Variants in ZNF532 observed in about 807,000 individuals in gnomAD.
ZNF532 encodes zinc finger protein 532.
In ZNF532, 22 loss-of-function variants were observed where a neutral mutation model predicts 89.3. The ratio of observed to expected loss-of-function variants is 0.25; its 90% CI spans 0.18 to 0.35. The LOEUF (loss-of-function observed/expected upper bound fraction) is 0.35. Among genes scored for constraint, ZNF532 ranks in the 10% least tolerant of loss-of-function variants. ZNF532 has a pLI of 1.00. For missense variants in ZNF532, 1,132 were observed against 1,643.4 expected (o/e 0.69, Z 5.38); for synonymous variants, 606 against 649.6 (o/e 0.93, Z 1.02).
chr18:58,888,903 A>AT (rs2058690185), intron 2 of ZNF532, among the ~76,000 whole-genome samples: 1 of 80,462 alleles, frequency 1.2e-5, no homozygotes, highest in Non-Finnish European at 2.3e-5. Flanking sequence ...ATATATATAT[A>AT]TATATATATA....
intron 5 of ZNF532, 38 bp from the exon 6 acceptor site, chr18:58,948,029 G>T (rs1209187134): frequency 6.4e-6 from 10 of 1,569,492 alleles, no homozygotes; most frequent in Non-Finnish European, 8.6e-6. Flanking sequence ...ACTTAAAGAG[G>T]CTGACTGACA....
intron 2 of ZNF532, among the ~76,000 whole-genome samples, chr18:58,907,967 G>A (rs549215495): frequency 6.6e-6 from 1 of 152,284 alleles, no homozygotes; most frequent in East Asian, 1.9e-4. Context: ...ATGTGATACT[G>A]GCCAAATAGG....
chr18:58,966,023 G>A (rs1015110492), intron 7 of ZNF532, among the ~76,000 whole-genome samples: 3 of 152,184 alleles, frequency 2.0e-5, no homozygotes, highest in African/African-American at 2.4e-5. Context: ...GGGGGTTTGG[G>A]ATGTGGAGAA....
At chr18:58,945,526 C>T (rs2063571788) in intron 5 of ZNF532, among the ~76,000 whole-genome samples, 1 of 152,130 alleles carries the variant, frequency 6.6e-6, no homozygotes, top group African/African-American at 2.4e-5. Context: ...AATAGATGGT[C>T]TCCTGTTTTA....
At chr18:58,889,721 C>T (rs1244866415) in intron 2 of ZNF532, among the ~76,000 whole-genome samples, 2 of 151,558 alleles carry the variant, frequency 1.3e-5, no homozygotes, top group Admixed American at 6.6e-5. Context: ...TGCGGTGAGC[C>T]GAGGTCACGC....
intron 2 of ZNF532, among the ~76,000 whole-genome samples, chr18:58,892,870 C>A (rs993672170): frequency 6.6e-6 from 1 of 152,130 alleles, no homozygotes; most frequent in African/African-American, 2.4e-5. Flanking sequence ...AGATCTGTGA[C>A]TGCTGTTTCT....
chr18:58,951,254 C>A (rs1173600824), intron 6 of ZNF532, among the ~76,000 whole-genome samples: 3 of 152,184 alleles, frequency 2.0e-5, no homozygotes, highest in Admixed American at 2.0e-4. Context: ...TGAGCCACTG[C>A]ACCTGGACTT....
intron 2 of ZNF532, among the ~76,000 whole-genome samples, chr18:58,893,836 A>G (rs1287059124): frequency 1.3e-5 from 2 of 152,188 alleles, no homozygotes; most frequent in Non-Finnish European, 2.9e-5. Context: ...TACAAGCCAG[A>G]GAGAGCAGTG....
At chr18:58,953,493 T>C in intron 6 of ZNF532, 25 bp from the exon 7 acceptor site, 1 of 1,584,638 alleles carries the variant, frequency 6.3e-7, no homozygotes, top group Non-Finnish European at 8.6e-7. Context: ...TTGTGATAGA[T>C]ATTTCTTTTC....
chr18:58,885,091 C>T (rs1393570019), intron 2 of ZNF532, among the ~76,000 whole-genome samples: 4 of 151,440 alleles, frequency 2.6e-5, no homozygotes, highest in Non-Finnish European at 5.9e-5. Context: ...TGGGTTCAAG[C>T]GATTCTCTTG....
chr18:58,873,367 T>C lies in ZNF532; in HGVS notation c.-18+7788T>C, dbSNP rs149542258. Reference sequence around the variant, plus strand: ...CCTCCTCCTATTTATAATCTTTATGTGAACCTGAAAACACGATTTGATTAA... The same window carrying C: ...CCTCCTCCTATTTATAATCTTTATGCGAACCTGAAAACACGATTTGATTAA... On this transcript the variant is annotated intron_variant, in intron 2 of 9. Coordinates refer to ENST00000591808, the MANE Select transcript of ZNF532 (RefSeq NM_001375912.1). 4.3e-3 allele frequency among the ~76,000 whole-genome samples: 656 copies of C among 152,280 alleles called. 3 individuals are homozygous for C. The highest frequency in any genetic ancestry group is 6.9e-3 in the Non-Finnish European group (468 of 68,016).
chr18:58,869,665 TG>T (rs1363628856), intron 2 of ZNF532, among the ~76,000 whole-genome samples: 5 of 152,182 alleles, frequency 3.3e-5, no homozygotes, highest in African/African-American at 1.2e-4. Flanking sequence ...TCAGCTTTTA[TG>T]TATTTTTAGG....
intron 2 of ZNF532, among the ~76,000 whole-genome samples, chr18:58,872,120 A>G (rs1288244081): frequency 6.6e-6 from 1 of 152,242 alleles, no homozygotes; most frequent in Admixed American, 6.5e-5. Flanking sequence ...ACAGACGCAG[A>G]GCGGCTTTTT....
chr18:58,888,502 C>T (rs2058459417), intron 2 of ZNF532, among the ~76,000 whole-genome samples: 1 of 150,160 alleles, frequency 6.7e-6, no homozygotes, highest in African/African-American at 2.4e-5. Flanking sequence ...ATGGTGAAAC[C>T]CTGTCTCTAC....
chr18:58,871,993 AAAG>A (rs1194433617), intron 2 of ZNF532, among the ~76,000 whole-genome samples: 1 of 152,268 alleles, frequency 6.6e-6, no homozygotes, highest in Non-Finnish European at 1.5e-5. Flanking sequence ...AACACAGTTT[AAAG>A]AATTCTTTGA....
chr18:58,879,802 C>A (rs535061467), intron 2 of ZNF532, among the ~76,000 whole-genome samples: 1 of 152,078 alleles, frequency 6.6e-6, no homozygotes, highest in South Asian at 2.1e-4. Context: ...TCGTTCATTC[C>A]GTCTTTCGTC....
intron 7 of ZNF532, among the ~76,000 whole-genome samples, chr18:58,965,417 G>T (rs1031648280): frequency 1.1e-4 from 16 of 152,218 alleles, no homozygotes; most frequent in African/African-American, 3.6e-4. Flanking sequence ...CCTGCCAGAG[G>T]CAGGTTTCTA....
chr18:58,964,258 A>C (rs1471185273), intron 7 of ZNF532: 1 of 152,104 alleles, frequency 6.6e-6, no homozygotes, highest in Non-Finnish European at 1.5e-5. Context: ...ACAGGTAAAA[A>C]ATTTTTTAAA....
intron 5 of ZNF532, among the ~76,000 whole-genome samples, chr18:58,946,809 G>A (rs907736982): frequency 6.6e-6 from 1 of 151,972 alleles, no homozygotes; most frequent in African/African-American, 2.4e-5. Flanking sequence ...AACATCTCAA[G>A]ACCTTGTAAA....
Sources: gnomAD v4.1 joint callset for allele counts (sites outside exome capture counted in the v4.1 genomes callset) on GRCh38, gnomAD v4.1.1 for gene constraint, MANE v1.5 for transcripts, NCBI Gene and HGNC (gene_info 2026-07-23, HGNC 2026-07-21) for gene names.